SLC23A2: variants seen among roughly 807,000 people sequenced by gnomAD.
SLC23A2 encodes the protein Na(+)/L-ascorbic acid transporter 2.
A neutral mutation model predicts 73.3 loss-of-function variants in SLC23A2; 36 were observed. That is an observed-to-expected ratio of 0.49 (90% confidence interval 0.38 to 0.65). The LOEUF is 0.65. Among genes scored for constraint, SLC23A2 ranks in the 30% least tolerant of loss-of-function variants. The probability of loss-of-function intolerance (pLI) is 0.00; values close to 1 mark genes in which losing one functional copy is unlikely to be tolerated. For synonymous variants in SLC23A2, 343 were observed against 327.3 expected (o/e 1.05, Z -0.52); for missense variants, 507 against 841.6 (o/e 0.60, Z 4.92).
upstream of SLC23A2, among the ~76,000 whole-genome samples, chr20:5,005,790 C>T (rs2088184318): frequency 6.6e-6 from 1 of 152,136 alleles, no homozygotes; most frequent in Non-Finnish European, 1.5e-5. Flanking sequence ...GAGTTCGAGA[C>T]CAGCCTGACC....
At chr20:4,861,119 G>T (rs1016507844) in intron 15 of SLC23A2, among the ~76,000 whole-genome samples, 3 of 152,220 alleles carry the variant, frequency 2.0e-5, no homozygotes, top group Non-Finnish European at 4.4e-5. Context: ...AAGGAAGCCA[G>T]ATACAAAAAG....
chr20:4,949,728 TACTC>T (rs1331215389), intron 2 of SLC23A2, among the ~76,000 whole-genome samples: 2 of 152,042 alleles, frequency 1.3e-5, no homozygotes, highest in East Asian at 3.9e-4. Context: ...AACACTCAGA[TACTC>T]ACATGGAAAC....
chr20:4,890,140 A>G (rs988674812), intron 6 of SLC23A2, among the ~76,000 whole-genome samples: 7 of 152,228 alleles, frequency 4.6e-5, no homozygotes, highest in African/African-American at 1.4e-4. Flanking sequence ...AAATTCACCA[A>G]CACAGAGCAT....
intron 6 of SLC23A2, among the ~76,000 whole-genome samples, chr20:4,896,129 A>G (rs945941825): frequency 1.1e-4 from 16 of 152,126 alleles, no homozygotes; most frequent in African/African-American, 3.6e-4. Context: ...AAGAGGAGAC[A>G]CACGAACATG....
rs1487387797 is a variant in SLC23A2 at position 4,854,286 on chromosome 20, G to A, written c.*2686C>T. 1 of 152,122 alleles carries A rather than the reference G, an allele frequency of 6.6e-6. No homozygotes were observed. The highest frequency in any genetic ancestry group is 1.5e-5 in the Non-Finnish European group (1 of 68,024). The allele number at this position is 152,122 out of a possible 1,614,324, so 9.4% of individuals were successfully genotyped here. On this transcript the variant is annotated 3_prime_UTR_variant, in exon 17 of 17. Coordinates refer to ENST00000338244, the MANE Select transcript of SLC23A2 (RefSeq NM_005116.6). ...GTGTCCCCCAATATCTCCCCTTCAG[G>A]TGTGTGCTTAAACCCAAGAAGCAGA...
intron 3 of SLC23A2, 124 bp from the exon 4 acceptor site, chr20:4,913,102 C>A: frequency 1.4e-6 from 1 of 690,514 alleles, no homozygotes. Context: ...AAACATACTC[C>A]ATGTACCGTA....
At chr20:4,907,804 T>G (rs1932010069) in intron 4 of SLC23A2, among the ~76,000 whole-genome samples, 1 of 152,090 alleles carries the variant, frequency 6.6e-6, no homozygotes, top group South Asian at 2.1e-4. Context: ...ACTACAGTAT[T>G]CAATGGATTA....
At chr20:4,909,937 G>A (rs1444382098) in intron 4 of SLC23A2, among the ~76,000 whole-genome samples, 2 of 152,166 alleles carry the variant, frequency 1.3e-5, no homozygotes, top group East Asian at 1.9e-4. Context: ...TATTTAATAT[G>A]ATAATTGCAA....
At chr20:4,879,349 CAGTAAGCGAGATTG>C (rs1470198682) in intron 9 of SLC23A2, among the ~76,000 whole-genome samples, 1 of 129,320 alleles carries the variant, frequency 7.7e-6, no homozygotes, top group Non-Finnish European at 1.5e-5. Flanking sequence ...GTGGTGGTTG[CAGTAAGCGAGATTG>C]CCCCACTGCA....
At chr20:4,858,548 A>G (rs1264280060) in intron 16 of SLC23A2, among the ~76,000 whole-genome samples, 3 of 151,348 alleles carry the variant, frequency 2.0e-5, no homozygotes, top group African/African-American at 7.3e-5. Flanking sequence ...TTTTTTGGAG[A>G]TGGGTTGTTT....
At chr20:4,910,684 T>A (rs760801879) in intron 4 of SLC23A2, among the ~76,000 whole-genome samples, 13 of 151,982 alleles carry the variant, frequency 8.6e-5, no homozygotes, top group African/African-American at 1.2e-4. Context: ...GATCCACCCA[T>A]CTCGGCCTCC....
At chr20:4,972,093 G>T (rs2087569256) in intron 1 of SLC23A2, among the ~76,000 whole-genome samples, 1 of 152,172 alleles carries the variant, frequency 6.6e-6, no homozygotes, top group Non-Finnish European at 1.5e-5. Context: ...GGAACCCAGA[G>T]CCTGACTCAG....
rs926344374 is a variant in SLC23A2 at position 4,943,039 on chromosome 20, C to G, written c.-154-10323G>C. On this transcript the variant is annotated intron_variant, in intron 2 of 16. Coordinates refer to ENST00000338244, the MANE Select transcript of SLC23A2 (RefSeq NM_005116.6). Reference sequence around the variant, plus strand: ...GATCAGCCTGAGCAACATAGCGAGACTCTGACTCTACAAAAAATAAAACAT... The same window carrying G: ...GATCAGCCTGAGCAACATAGCGAGAGTCTGACTCTACAAAAAATAAAACAT... Among the ~76,000 whole-genome samples the G allele has an allele frequency of 6.7e-5, 10 of 149,606 alleles. No homozygotes were observed. The Admixed American group carries it at 6.8e-4, about 10-fold the overall frequency.
At chr20:4,979,262 C>T (rs564923889) in intron 1 of SLC23A2, among the ~76,000 whole-genome samples, 1 of 151,690 alleles carries the variant, frequency 6.6e-6, no homozygotes, top group Non-Finnish European at 1.5e-5. Context: ...CACTGCACTC[C>T]AGCCTGGGCA....
chr20:4,988,028 A>G (rs1600208391), intron 1 of SLC23A2, among the ~76,000 whole-genome samples: 4 of 150,084 alleles, frequency 2.7e-5, no homozygotes, highest in Admixed American at 2.7e-4. Context: ...GCCATGCGTG[A>G]TGGTTCACGC....
chr20:4,863,867 T>C lies in SLC23A2; in HGVS notation c.1357-960A>G, dbSNP rs985888182. Among the ~76,000 whole-genome samples, 2 of 152,210 alleles carry C rather than the reference T, an allele frequency of 1.3e-5. No homozygotes were observed. Among genetic ancestry groups the C allele is most frequent in the South Asian group, 2.1e-4 (1 of 4,832 alleles). ...CAACTCCAGGACTATTCCCCCATTA[T>C]AGGCTCTCATAGCACCATGTAGGGC... On this transcript the variant is annotated intron_variant, in intron 13 of 16. Transcript: ENST00000338244. This position sits in a 1 kb window ranked among gnomAD's most constrained non-coding sequence, Gnocchi z 4.8.
rs1929601065 is a variant in SLC23A2, at chr20:4,853,495, A to G, written c.*3477T>C. On this transcript the variant is annotated 3_prime_UTR_variant, in exon 17 of 17. Transcript: ENST00000338244. ...GGTCATAAAATATACGTATGGGTAAATAAAGTATACACACATACTAGAGAT... is the reference window on the plus strand; with the variant it reads ...GGTCATAAAATATACGTATGGGTAAGTAAAGTATACACACATACTAGAGAT... 1 of 152,682 alleles carries G rather than the reference A, an allele frequency of 6.5e-6. No homozygotes were observed. The highest frequency in any genetic ancestry group is 1.5e-5 in the Non-Finnish European group (1 of 68,050). 9.5% of individuals were successfully genotyped at this position (152,682 alleles called of 1,614,324 possible).
intron 3 of SLC23A2, among the ~76,000 whole-genome samples, chr20:4,918,731 A>G (rs539976942): frequency 6.6e-6 from 1 of 152,234 alleles, no homozygotes; most frequent in Non-Finnish European, 1.5e-5. Flanking sequence ...GGGCACTAGC[A>G]CCTGCAAAAC....
chr20:4,905,057 T>C (rs1931886618), intron 4 of SLC23A2, among the ~76,000 whole-genome samples: 1 of 130,910 alleles, frequency 7.6e-6, no homozygotes, highest in Non-Finnish European at 1.5e-5. Flanking sequence ...GAGGTTGCAG[T>C]AAGCCAAGAT....
Sources: allele counts gnomAD v4.1 joint callset (sites outside exome capture counted in the v4.1 genomes callset), GRCh38; gene constraint gnomAD v4.1.1; non-coding constraint Gnocchi (gnomAD v3.1); transcripts MANE v1.5; gene names NCBI Gene and HGNC (gene_info 2026-07-23, HGNC 2026-07-21).